WWOX: variants seen among roughly 807,000 people sequenced by gnomAD.
The protein encoded by WWOX is WW domain-containing oxidoreductase.
In WWOX, 69 loss-of-function variants were observed where a neutral mutation model predicts 46.2. The ratio of observed to expected loss-of-function variants is 1.49; its 90% CI spans 1.23 to 1.82. The LOEUF is 1.82. WWOX is among the 40% of genes most tolerant of loss of function. WWOX has a pLI of 0.00. For missense variants in WWOX, 919 were observed against 542.6 expected (o/e 1.69, Z -6.89); for synonymous variants, 359 against 202.6 (o/e 1.77, Z -6.56).
chr16:78,854,072 C>G (rs2052513388), intron 8 of WWOX, among the ~76,000 whole-genome samples: 1 of 152,108 alleles, frequency 6.6e-6, no homozygotes, highest in Non-Finnish European at 1.5e-5. Flanking sequence ...ATATTTCTTT[C>G]TATATTTTTC....
intron 8 of WWOX, among the ~76,000 whole-genome samples, chr16:78,935,683 C>G (rs546951223): frequency 7.9e-5 from 12 of 151,770 alleles, no homozygotes; most frequent in African/African-American, 2.9e-4. Flanking sequence ...TGCAGCACAC[C>G]GACATGGCAC....
chr16:79,065,820 C>G (rs1215685264), intron 8 of WWOX, among the ~76,000 whole-genome samples: 2 of 151,644 alleles, frequency 1.3e-5, no homozygotes, highest in African/African-American at 4.9e-5. Context: ...GACTGCCAGC[C>G]CGTGGGGCTA....
chr16:79,121,170 C>T (rs573220853), intron 8 of WWOX, among the ~76,000 whole-genome samples: 96 of 152,314 alleles, frequency 6.3e-4, no homozygotes, highest in African/African-American at 2.3e-3. Flanking sequence ...CCTGCGTATA[C>T]CCTGTTTCCA....
chr16:78,968,489 G>A (rs1035404202), intron 8 of WWOX, among the ~76,000 whole-genome samples: 1 of 152,200 alleles, frequency 6.6e-6, no homozygotes, highest in Non-Finnish European at 1.5e-5. Context: ...CATCGTGGAT[G>A]CAATTATGTT....
chr16:78,481,264 C>T lies in WWOX; in HGVS notation c.1056+48512C>T, dbSNP rs969435722. Among the ~76,000 whole-genome samples the T allele has an allele frequency of 2.0e-5, 3 of 152,178 alleles. No individual in the cohort carries two copies. In the East Asian group the frequency reaches 5.8e-4, roughly 29 times the overall value. On this transcript the variant is annotated intron_variant, in intron 8 of 8. Transcript: ENST00000566780. ...AAAGCGTACTTCCATCAACTCAAGA[C>T]AGTTCAAAGCAGCTTGGAGCCTCTT...
chr16:78,775,175 G>A (rs12445943), intron 8 of WWOX, among the ~76,000 whole-genome samples: 26,476 of 152,038 alleles, frequency 0.17, 2,698 homozygotes, highest in East Asian at 0.45. Context: ...TTGCCTGCCT[G>A]GCTCCTCTCC....
chr16:78,845,237 G>C (rs1347550268), intron 8 of WWOX, among the ~76,000 whole-genome samples: 2 of 148,694 alleles, frequency 1.3e-5, no homozygotes, highest in Non-Finnish European at 3.0e-5. Context: ...CTATTAGTCT[G>C]CTATTGTGGC....
chr16:78,579,991 T>C (rs1051874369), intron 8 of WWOX, among the ~76,000 whole-genome samples: 7 of 152,198 alleles, frequency 4.6e-5, no homozygotes, highest in Non-Finnish European at 1.0e-4. Flanking sequence ...TTTAAGGCGC[T>C]TGCTCTTCTT....
At chr16:78,202,292 C>T (rs1217140363) in intron 5 of WWOX, among the ~76,000 whole-genome samples, 1 of 152,202 alleles carries the variant, frequency 6.6e-6, no homozygotes, top group Admixed American at 6.5e-5. Context: ...CATGAGGCCT[C>T]TGGTAGAAAG....
At chr16:78,802,436 T>A (rs2550600) in intron 8 of WWOX, among the ~76,000 whole-genome samples, 66,993 of 151,808 alleles carry the variant, frequency 0.44, 16,346 homozygotes, top group Middle Eastern at 0.62. Context: ...AATAAACAGT[T>A]GTTTATGGAA....
chr16:79,180,016 A>G lies in WWOX; in HGVS notation c.1057-31592A>G, dbSNP rs187662889. On this transcript the variant is annotated intron_variant, in intron 8 of 8. Transcript: ENST00000566780. ...CAGGTTTTTTTTTTCCCCTTATCCC[A>G]TAGAAGATGGTTGTTGTCTTGAGGT... Among the ~76,000 whole-genome samples the G allele has an allele frequency of 5.5e-3, 835 of 152,034 alleles. 1 individual carries two copies. The highest frequency in any genetic ancestry group is 9.4e-3 in the Non-Finnish European group (640 of 67,976).
intron 8 of WWOX, among the ~76,000 whole-genome samples, chr16:78,557,154 G>T (rs968023873): frequency 2.0e-5 from 3 of 152,112 alleles, no homozygotes; most frequent in African/African-American, 7.2e-5. Context: ...TTTTGTAGTG[G>T]GCTATTAGAT....
intron 8 of WWOX, among the ~76,000 whole-genome samples, chr16:78,633,130 C>T (rs529571066): frequency 1.4e-4 from 21 of 152,088 alleles, no homozygotes; most frequent in African/African-American, 4.6e-4. Context: ...GGTGTGGTGG[C>T]GTGTGCCTGT....
At chr16:78,479,218 C>T (rs764094274) in intron 8 of WWOX, among the ~76,000 whole-genome samples, 4 of 152,282 alleles carry the variant, frequency 2.6e-5, no homozygotes, top group South Asian at 2.1e-4. Flanking sequence ...TCATCCAATA[C>T]GTATTGAATA....
intron 8 of WWOX, among the ~76,000 whole-genome samples, chr16:78,881,304 C>G (rs143014447): frequency 1.3e-5 from 2 of 152,062 alleles, no homozygotes; most frequent in Non-Finnish European, 2.9e-5. Context: ...GTGCCTGGCC[C>G]TGGTAAAATT....
At chr16:78,166,337 C>T (rs959777653) in intron 5 of WWOX, among the ~76,000 whole-genome samples, 1 of 152,094 alleles carries the variant, frequency 6.6e-6, no homozygotes, top group Non-Finnish European at 1.5e-5. Flanking sequence ...TTATTCCAAG[C>T]AATGGTGTTT....
intron 8 of WWOX, among the ~76,000 whole-genome samples, chr16:78,837,779 C>G (rs911983769): frequency 6.6e-6 from 1 of 152,082 alleles, no homozygotes; most frequent in Non-Finnish European, 1.5e-5. Context: ...ATCTATACTT[C>G]CTAGATTTGG....
At chr16:78,622,157 T>G (rs1274998282) in intron 8 of WWOX, among the ~76,000 whole-genome samples, 1 of 152,150 alleles carries the variant, frequency 6.6e-6, no homozygotes, top group Non-Finnish European at 1.5e-5. Context: ...GGGAAGAAAT[T>G]TGGGATTCTA....
intron 8 of WWOX, among the ~76,000 whole-genome samples, chr16:78,520,155 A>C (rs923845304): frequency 7.2e-5 from 11 of 152,190 alleles, no homozygotes; most frequent in African/African-American, 2.7e-4. Context: ...GTCCAGTCTG[A>C]AGCTTTTATT....
Sources: gnomAD v4.1 joint callset for allele counts (sites outside exome capture counted in the v4.1 genomes callset) on GRCh38, gnomAD v4.1.1 for gene constraint, MANE v1.5 for transcripts, NCBI Gene and HGNC (gene_info 2026-07-23, HGNC 2026-07-21) for gene names.